TRDN: variants seen among roughly 807,000 people sequenced by gnomAD.
TRDN encodes the protein triadin, also known as triadin in skeletal muscle.
In TRDN, 161 loss-of-function variants were observed where a neutral mutation model predicts 149.7. That is an observed-to-expected ratio of 1.08 (90% confidence interval 0.95 to 1.23). The LOEUF is 1.23. Ranked by LOEUF, TRDN falls within the 50% of genes most tolerant of loss-of-function variation. The pLI is 0.00. For synonymous variants in TRDN, 294 were observed against 250.5 expected (o/e 1.17, Z -1.64); for missense variants, 896 against 823.5 (o/e 1.09, Z -1.08).
At chr6:123,423,429 A>G (rs1464944863) in intron 12 of TRDN, among the ~76,000 whole-genome samples, 1 of 152,186 alleles carries the variant, frequency 6.6e-6, no homozygotes, top group East Asian at 1.9e-4. Context: ...CATTTATCAG[A>G]GAAGTTATTT....
intron 24 of TRDN, among the ~76,000 whole-genome samples, chr6:123,305,256 G>A (rs772856864): frequency 9.2e-5 from 14 of 152,096 alleles, no homozygotes; most frequent in Non-Finnish European, 1.9e-4. Flanking sequence ...TCTAAAGTCT[G>A]CCTTGGTTTG....
chr6:123,257,594 T>C (rs1340962986), intron 35 of TRDN, among the ~76,000 whole-genome samples: 2 of 152,326 alleles, frequency 1.3e-5, no homozygotes, highest in East Asian at 3.9e-4. Flanking sequence ...CCAGCTTTGT[T>C]CTGTTTGCTT....
In TRDN at chr6:123,503,797, C is replaced by T. The variant is rs1778802203; in HGVS notation, c.715G>A (p.Glu239Lys). Residue 239 changes from glutamate to lysine, a missense_variant, in exon 8 of 41, where the codon GAA (glutamate) becomes AAA (lysine). By Grantham distance (56) the Glu-to-Lys change is moderately conservative (BLOSUM62 1). Transcript: ENST00000334268. ...KVKQTAAKVKEVQKTPSKPKE... is the reference protein window; with the variant it reads ...KVKQTAAKVKKVQKTPSKPKE... ...GGTTTTGATGGTGTTTTCTGTACTT[C>T]TTTTACTTTTGCAGCTGTTTGCTTC... is the stretch of plus-strand genomic sequence containing the variant. 1 of 1,612,990 alleles carries T rather than the reference C, an allele frequency of 6.2e-7. No homozygotes were observed. The highest frequency in any genetic ancestry group is 8.5e-7 in the Non-Finnish European group (1 of 1,179,524).
intron 12 of TRDN, among the ~76,000 whole-genome samples, chr6:123,398,316 T>C (rs1835637): frequency 0.38 from 57,431 of 152,106 alleles, 11,767 homozygotes; most frequent in East Asian, 0.81. Context: ...ACCGTTCTTA[T>C]TTTCTTAGGT....
chr6:123,390,407 C>A (rs573288492), intron 13 of TRDN, among the ~76,000 whole-genome samples: 1 of 152,198 alleles, frequency 6.6e-6, no homozygotes, highest in South Asian at 2.1e-4. Flanking sequence ...TGCATGTATG[C>A]ACATGTATCT....
intron 32 of TRDN, among the ~76,000 whole-genome samples, chr6:123,265,587 C>A (rs1019669266): frequency 1.3e-5 from 2 of 151,052 alleles, no homozygotes; most frequent in African/African-American, 4.8e-5. Flanking sequence ...CTGTAAACCT[C>A]ATATTTGATT....
intron 1 of TRDN, among the ~76,000 whole-genome samples, chr6:123,608,456 T>C (rs993283743): frequency 6.6e-6 from 1 of 152,156 alleles, no homozygotes; most frequent in African/African-American, 2.4e-5. Context: ...AAAAAATGAC[T>C]AAATCAGTGA....
intron 5 of TRDN, chr6:123,529,380 C>G: frequency 6.5e-7 from 1 of 1,539,992 alleles, no homozygotes; most frequent in Non-Finnish European, 8.8e-7. Flanking sequence ...AAATAGGTTT[C>G]AACTGAGTGA....
intron 20 of TRDN, among the ~76,000 whole-genome samples, chr6:123,364,628 C>T (rs1028381660): frequency 6.6e-6 from 1 of 152,086 alleles, no homozygotes; most frequent in Admixed American, 6.6e-5. Context: ...AGCCTGGTGA[C>T]AGAGAAAGAC....
chr6:123,304,980 A>T (rs1198669871), intron 24 of TRDN, among the ~76,000 whole-genome samples: 1 of 152,150 alleles, frequency 6.6e-6, no homozygotes, highest in Non-Finnish European at 1.5e-5. Context: ...TTCTTATTTA[A>T]TTTCTCCAAA....
At chr6:123,496,058 A>G (rs2114809730) in intron 9 of TRDN, among the ~76,000 whole-genome samples, 1 of 146,198 alleles carries the variant, frequency 6.8e-6, no homozygotes, top group Admixed American at 6.9e-5. Flanking sequence ...AATATATATC[A>G]TTAATATTAT....
At chr6:123,584,071 G>C (rs1333764327) in intron 1 of TRDN, 1 of 153,114 alleles carries the variant, frequency 6.5e-6, no homozygotes, top group African/African-American at 2.4e-5. Flanking sequence ...TCAGGGTGAG[G>C]AACAGGAAAG....
intron 15 of TRDN, 97 bp from the exon 16 acceptor site, chr6:123,381,487 C>T (rs954863476): frequency 2.6e-6 from 3 of 1,176,194 alleles, no homozygotes; most frequent in Non-Finnish European, 3.6e-6. Flanking sequence ...CCCACCCCTC[C>T]TTCCAATTTT....
At chr6:123,496,506 G>A (rs899320920) in intron 9 of TRDN, among the ~76,000 whole-genome samples, 2 of 152,014 alleles carry the variant, frequency 1.3e-5, no homozygotes, top group African/African-American at 2.4e-5. Context: ...TCCCAAACAT[G>A]AACATAGTTC....
chr6:123,306,591 TC>T (rs1778619860), intron 24 of TRDN, among the ~76,000 whole-genome samples: 1 of 152,128 alleles, frequency 6.6e-6, no homozygotes, highest in Admixed American at 6.6e-5. Context: ...ACCAGTTTTA[TC>T]TATAGCTTCC....
At chr6:123,570,287 C>T (rs1321017546) in intron 2 of TRDN, among the ~76,000 whole-genome samples, 4 of 152,142 alleles carry the variant, frequency 2.6e-5, no homozygotes, top group Non-Finnish European at 5.9e-5. Context: ...GATTCCTTTC[C>T]TTAGGGAGCT....
Position 123,548,405 on chromosome 6 carries a change from T to C in TRDN, c.391+49A>G, listed in dbSNP as rs371588348. ...AACTGAGGCAAGCCACTATAATACA[T>C]ATTTAATGTTGCTCCTAGCAGTTAG... On this transcript the variant is annotated intron_variant, in intron 3 of 40. Coordinates refer to ENST00000334268, the MANE Select transcript of TRDN (RefSeq NM_006073.4). The C allele has an allele frequency of 4.4e-6, 6 of 1,363,862 alleles. No individual in the cohort carries two copies. The African/African-American group carries it at 7.4e-5, about 17-fold the overall frequency. 84.5% of individuals were successfully genotyped at this position (1,363,862 alleles called of 1,614,324 possible). A position where few individuals can be genotyped will look rare whatever the true frequency, so the allele number is the denominator to read the frequency against.
intron 22 of TRDN, among the ~76,000 whole-genome samples, chr6:123,332,417 G>C (rs746455027): frequency 6.6e-6 from 1 of 151,980 alleles, no homozygotes; most frequent in Non-Finnish European, 1.5e-5. Flanking sequence ...TAAAATTTGA[G>C]AGACAATTTC....
chr6:123,452,504 CAA>C lies in TRDN; in HGVS notation c.931+12400_931+12401del, dbSNP rs61615553. Among the ~76,000 whole-genome samples the C allele has an allele frequency of 1.6e-3, 235 of 150,444 alleles. 3 individuals are homozygous for C. The highest frequency in any genetic ancestry group is 2.8e-3 in the Admixed American group (42 of 15,066). Reference sequence around the variant, plus strand: ...AGCTCAATTCCTTTTACAATAGTTGCAAAAAAAAAACGTAAGATAGTTAGGAA... The same window carrying C: ...AGCTCAATTCCTTTTACAATAGTTGCAAAAAAAACGTAAGATAGTTAGGAA... On this transcript the variant is annotated intron_variant, in intron 10 of 40. Transcript: ENST00000334268.
Sources: allele counts gnomAD v4.1 joint callset (sites outside exome capture counted in the v4.1 genomes callset), GRCh38; gene constraint gnomAD v4.1.1; transcripts MANE v1.5; gene names NCBI Gene and HGNC (gene_info 2026-07-23, HGNC 2026-07-21).